ALS2CL: variants seen among roughly 807,000 people sequenced by gnomAD.
ALS2CL encodes ALS2 C-terminal like, also known as ALS2 C-terminal-like protein.
Under a neutral mutation model 127.9 loss-of-function variants are expected in ALS2CL, and 112 were observed. The ratio of observed to expected loss-of-function variants is 0.88; its 90% CI spans 0.75 to 1.02. The LOEUF is 1.02. Ranked by LOEUF, ALS2CL falls within the 50% of genes least tolerant of loss-of-function variation. ALS2CL has a pLI of 0.00. For synonymous variants in ALS2CL, 519 were observed against 527.6 expected (o/e 0.98, Z 0.22); for missense variants, 1,174 against 1,236.7 (o/e 0.95, Z 0.76).
chr3:46,687,917 T>C (rs1699906397), intron 3 of ALS2CL, among the ~76,000 whole-genome samples, 181 bp downstream of exon 3: 1 of 152,192 alleles, frequency 6.6e-6, no homozygotes, highest in Admixed American at 6.5e-5. Flanking sequence ...TGTCTGAGCC[T>C]GCTGTCAGGC....
intron 16 of ALS2CL, chr3:46,677,493 G>C: frequency 1.3e-6 from 1 of 753,472 alleles, no homozygotes; most frequent in Non-Finnish European, 1.6e-6. Flanking sequence ...CATGCTCGTA[G>C]GCTACACGCA....
rs770377833 is a variant in ALS2CL, at chr3:46,688,091, G to A, written c.302+7C>T. 1 of 1,612,608 alleles carries A rather than the reference G, an allele frequency of 6.2e-7. No homozygotes were observed. Among genetic ancestry groups the A allele is most frequent in the African/African-American group, 1.3e-5 (1 of 74,910 alleles). On this transcript the variant is annotated splice_region_variant and intron_variant, in intron 3 of 25. Coordinates refer to ENST00000318962, the MANE Select transcript of ALS2CL (RefSeq NM_147129.5). ...ATGAGCCCCAGCCCCACCTCCAGTG[G>A]TCTTACTCTATGTGGGCCTGCAGTA...
chr3:46,672,205 C>T lies in ALS2CL; in HGVS notation c.2473-4G>A, dbSNP rs773525547. 2 of 1,614,058 alleles carry T rather than the reference C, an allele frequency of 1.2e-6. No homozygotes were observed. The highest frequency in any genetic ancestry group is 1.1e-5 in the South Asian group (1 of 91,070). On this transcript the variant is annotated splice_region_variant and splice_polypyrimidine_tract_variant and intron_variant, in intron 22 of 25. Transcript: ENST00000318962. ...TGTCCCTGACCAGGGAGTACCTCTG[C>T]ATGGTGGAGGGAGTGGGCTGGATGA...
chr3:46,684,131 A>G, intron 7 of ALS2CL, 84 bp from the exon 8 acceptor site: 1 of 1,468,666 alleles, frequency 6.8e-7, no homozygotes. Flanking sequence ...CCCAAGCTCA[A>G]CCTTGTGTGG....
Position 46,669,305 on chromosome 3 carries a change from A to C in ALS2CL, c.*1679T>G, listed in dbSNP as rs1294102704. The C allele has an allele frequency of 6.6e-6, 1 of 152,274 alleles. No homozygotes were observed. The highest frequency in any genetic ancestry group is 1.5e-5 in the Non-Finnish European group (1 of 68,122). 9.4% of individuals were successfully genotyped at this position (152,274 alleles called of 1,614,324 possible). On this transcript the variant is annotated 3_prime_UTR_variant, in exon 26 of 26. Transcript: ENST00000318962. ...CTGCCTCAGCCTCCCAAAGTGAGCC[A>C]CTGTGCCCAGCCAGAGGCTCCAGTT...
rs115756496 is a variant in ALS2CL, at chr3:46,680,499, G to A, written c.1479C>T (p.His493=). The stretch of plus-strand genomic sequence containing the variant: ...CCTGGGTGACCATGACCCCTGGGCC[G>A]TGGCGCTGACCAGCCTGCCACATGC... The part of the protein sequence containing the change: ...YIGMWQAGQR[H]GPGVMVTQAG... The change falls in exon 14 of 26, where the codon CAC becomes CAT. Residue 493 remains histidine, a synonymous_variant. Coordinates refer to ENST00000318962, the MANE Select transcript of ALS2CL (RefSeq NM_147129.5). 1.6e-4 allele frequency: 251 copies of A among 1,613,198 alleles called. 1 individual carries two copies. The African/African-American group carries it at 2.1e-3, about 14-fold the overall frequency.
At chr3:46,675,878 AG>A in intron 19 of ALS2CL, 192 bp from the exon 20 acceptor site, 1 of 1,444,648 alleles carries the variant, frequency 6.9e-7, no homozygotes, top group African/African-American at 1.4e-5. Flanking sequence ...CAGCAGCAGA[AG>A]GAACTATAGC....
chr3:46,692,303 G>A (rs3923275), intron 1 of ALS2CL, among the ~76,000 whole-genome samples: 1 of 152,132 alleles, frequency 6.6e-6, no homozygotes, highest in Non-Finnish European at 1.5e-5. Flanking sequence ...AGGGCAGGAG[G>A]AGGAGGTGCT....
chr3:46,674,502 C>G (rs543935857), intron 21 of ALS2CL, 64 bp downstream of exon 21: 1 of 1,561,656 alleles, frequency 6.4e-7, no homozygotes, highest in East Asian at 2.2e-5. Context: ...CACCTTTTGG[C>G]TGAAGACAGT....
chr3:46,684,760 T>C (rs1274853774), intron 7 of ALS2CL, among the ~76,000 whole-genome samples: 1 of 152,148 alleles, frequency 6.6e-6, no homozygotes, highest in African/African-American at 2.4e-5. Context: ...GGACAGTAGC[T>C]CATCAGTGTA....
At position 46,686,427 on chromosome 3, in the gene ALS2CL, G is replaced by T. The variant is rs1195841047; in HGVS notation, c.547C>A (p.Arg183=). 1 of 1,613,162 alleles carries T rather than the reference G, an allele frequency of 6.2e-7. No homozygotes were observed. Among genetic ancestry groups the T allele is most frequent in the Non-Finnish European group, 8.5e-7 (1 of 1,179,610 alleles). Residue 183 remains arginine, a synonymous_variant, in exon 6 of 26, where the codon CGG becomes AGG. Transcript: ENST00000318962. This position sits in a 1 kb window ranked among gnomAD's most constrained non-coding sequence, Gnocchi z 4.3. ...GDTIGEHHPT[R]ELVVNAVTLF... ...GTGACTGCGTTCACCACCAGCTCCC[G>T]GGTTGGGTGATGCTGAAGGGGGACA...
At chr3:46,675,782 A>C in intron 19 of ALS2CL, 96 bp from the exon 20 acceptor site, 3 of 1,589,918 alleles carry the variant, frequency 1.9e-6, no homozygotes, top group Non-Finnish European at 1.7e-6. Context: ...GTGGCCTCTC[A>C]GAACTGTGGA....
chr3:46,687,600 G>A lies in ALS2CL; in HGVS notation c.368+19C>T, dbSNP rs1325571944. ...CACTCCCACCCTGTCAGGGGCCAGT[G>A]CACCAGCCCTGTGCTCACCTTCTCC... On this transcript the variant is annotated intron_variant, in intron 4 of 25. Transcript: ENST00000318962. 1 of 1,611,728 alleles carries A rather than the reference G, an allele frequency of 6.2e-7. No homozygotes were observed. Among genetic ancestry groups the A allele is most frequent in the Non-Finnish European group, 8.5e-7 (1 of 1,179,108 alleles).
chr3:46,680,295 G>T, intron 14 of ALS2CL, 135 bp downstream of exon 14: 1 of 940,026 alleles, frequency 1.1e-6, no homozygotes, highest in Non-Finnish European at 1.6e-6. Context: ...TTCCTGCCCA[G>T]GTTCTGGCTC....
intron 4 of ALS2CL, 140 bp downstream of exon 4, chr3:46,687,479 C>A (rs1699874743): frequency 3.0e-6 from 3 of 997,686 alleles, no homozygotes; most frequent in Admixed American, 2.3e-5. Context: ...TGGATCAGTG[C>A]AGATTTGTAG....
Position 46,673,330 on chromosome 3 carries a change from C to T in ALS2CL, c.2472+9G>A, listed in dbSNP as rs749462333. Reference sequence around the variant, plus strand: ...GGCCCCTGGCTTGGGGCTCTGGCCTCCCTCTCACCTGATTGCTCGTCAGCG... The same window carrying T: ...GGCCCCTGGCTTGGGGCTCTGGCCTTCCTCTCACCTGATTGCTCGTCAGCG... On this transcript the variant is annotated intron_variant, in intron 22 of 25. Transcript: ENST00000318962. 1 of 1,561,318 alleles carries T rather than the reference C, an allele frequency of 6.4e-7. No individual in the cohort carries two copies.
intron 6 of ALS2CL, among the ~76,000 whole-genome samples, chr3:46,685,900 G>A (rs1351962477): frequency 6.6e-6 from 1 of 152,132 alleles, no homozygotes; most frequent in Non-Finnish European, 1.5e-5. Context: ...CCAGTACTCG[G>A]CCACCCCTGC....
chr3:46,688,621 C>G (rs58095998), intron 2 of ALS2CL, among the ~76,000 whole-genome samples: 8,752 of 152,266 alleles, frequency 0.057, 697 homozygotes, highest in African/African-American at 0.18. Flanking sequence ...CCTCCTCATC[C>G]TGGACTACTC....
intron 20 of ALS2CL, chr3:46,675,116 A>C: frequency 4.5e-6 from 1 of 221,500 alleles, no homozygotes; most frequent in Non-Finnish European, 8.9e-6. Context: ...AATCCTCCCT[A>C]ATGTCTAACC....
Sources: gnomAD v4.1 joint callset for allele counts (sites outside exome capture counted in the v4.1 genomes callset) on GRCh38, gnomAD v4.1.1 for gene constraint, Gnocchi (gnomAD v3.1) non-coding constraint, MANE v1.5 for transcripts, NCBI Gene and HGNC (gene_info 2026-07-23, HGNC 2026-07-21) for gene names.